Variants in TUBGCP4 observed in about 807,000 individuals in gnomAD.
The protein encoded by TUBGCP4 is gamma-tubulin complex component 4.
A neutral mutation model predicts 91.6 loss-of-function variants in TUBGCP4; 54 were observed. The ratio of observed to expected loss-of-function variants is 0.59; its 90% confidence interval spans 0.47 to 0.74. The LOEUF is 0.74. TUBGCP4 is among the 30% of genes least tolerant of loss of function. TUBGCP4 has a pLI of 0.00. For missense variants in TUBGCP4, 593 were observed against 800.9 expected (o/e 0.74, Z 3.13); for synonymous variants, 297 against 302.8 (o/e 0.98, Z 0.20).
At chr15:43,379,665 C>T (rs1338504405) in intron 5 of TUBGCP4, among the ~76,000 whole-genome samples, 1 of 148,858 alleles carries the variant, frequency 6.7e-6, no homozygotes, top group Non-Finnish European at 1.5e-5. Flanking sequence ...AAAAAAAAGT[C>T]TGAAGAACAT....
Position 43,387,557 on chromosome 15 carries a change from G to A in TUBGCP4, c.1014+1227G>A, listed in dbSNP as rs531268526. Among the ~76,000 whole-genome samples, 4 of 152,194 alleles carry A rather than the reference G, an allele frequency of 2.6e-5. No homozygotes were observed. The South Asian group carries it at 6.2e-4, about 24-fold the overall frequency. The stretch of plus-strand genomic sequence containing the variant: ...GCTCACTGCAACCTCTGCCTCCTGG[G>A]TTCAAGCGATTCTCCCGCCTCAGCC... On this transcript the variant is annotated intron_variant, in intron 9 of 17. Transcript: ENST00000564079.
chr15:43,409,725 A>G lies in TUBGCP4; in HGVS notation c.*4511A>G. 3 of 1,538,970 alleles carry G rather than the reference A, an allele frequency of 1.9e-6. No individual in the cohort carries two copies. ...ATTCTGTATACTGCTTGTTGAAAGG[A>G]GGAATTTCCAAAAATTCTATATTAA... On this transcript the variant is annotated 3_prime_UTR_variant, in exon 18 of 18. Transcript: ENST00000564079.
At position 43,398,124 on chromosome 15, in the gene TUBGCP4, TC is replaced by T; in HGVS notation, c.1365del (p.Tyr456ThrfsTer27). On this transcript the variant is annotated frameshift_variant, in exon 13 of 18. Coordinates refer to ENST00000564079, the MANE Select transcript of TUBGCP4 (RefSeq NM_014444.5). LOFTEE classifies it high-confidence loss of function. ...PASGWAALGL[S>X]YKVQWPLHIL... ...ATCTGGCTGGGCAGCCCTAGGTCTT[TC>T]CTACAAAGTACAGTGGCCACTACAT... is the stretch of plus-strand genomic sequence containing the variant. 1 of 1,614,138 alleles carries T rather than the reference TC, an allele frequency of 6.2e-7. No individual in the cohort carries two copies. The highest frequency in any genetic ancestry group is 8.5e-7 in the Non-Finnish European group (1 of 1,179,990).
At chr15:43,383,569 A>T in intron 7 of TUBGCP4, 65 bp downstream of exon 7, 1 of 1,419,574 alleles carries the variant, frequency 7.0e-7, no homozygotes, top group Admixed American at 2.3e-5. Flanking sequence ...CACACAAATG[A>T]TCTTCTGGTG....
chr15:43,402,140 G>A (rs2044696359), intron 15 of TUBGCP4: 1 of 258,914 alleles, frequency 3.9e-6, no homozygotes, highest in South Asian at 4.8e-5. Flanking sequence ...AATAATAGGT[G>A]TGGTGGCTCG....
chr15:43,377,640 A>G, intron 4 of TUBGCP4: 1 of 512,414 alleles, frequency 2.0e-6, no homozygotes, highest in Non-Finnish European at 3.3e-6. Flanking sequence ...AAAAAAGAAA[A>G]AAAAGAAACT....
intron 1 of TUBGCP4, 54 bp downstream of exon 1, chr15:43,371,486 G>A: frequency 1.3e-6 from 2 of 1,580,136 alleles, no homozygotes; most frequent in Non-Finnish European, 1.7e-6. Flanking sequence ...GGGGACCTGA[G>A]CCAGCGCCTG....
At chr15:43,377,611 CAAAA>C (rs60932318) in intron 4 of TUBGCP4, 1,643 of 257,118 alleles carry the variant, frequency 6.4e-3, no homozygotes, top group South Asian at 8.2e-3. Flanking sequence ...GACCCTGTCT[CAAAA>C]AAAAAAAAAA....
rs1245994275 is a variant in TUBGCP4 at position 43,400,049 on chromosome 15, A to G, written c.1424A>G (p.Asn475Ser). The change falls in exon 14 of 18, where the codon AAT becomes AGT. Residue 475 changes from asparagine to serine, a missense_variant. Coordinates refer to ENST00000564079, the MANE Select transcript of TUBGCP4 (RefSeq NM_014444.5). ...TCCTGTTATTTCTGTCCTAGGTACA[A>G]TGTTGTTTTTAAGTACTTACTGAGT... The part of the protein sequence containing the change: ...LFTPAVLEKY[N>S]VVFKYLLSVR... The G allele has an allele frequency of 2.5e-6, 4 of 1,610,272 alleles. No individual in the cohort carries two copies. The highest frequency in any genetic ancestry group is 1.3e-5 in the African/African-American group (1 of 74,834).
intron 5 of TUBGCP4, 134 bp downstream of exon 5, chr15:43,378,037 C>A: frequency 1.5e-6 from 1 of 647,776 alleles, no homozygotes; most frequent in Non-Finnish European, 2.5e-6. Flanking sequence ...ACAATATCTG[C>A]TTGGTTATCA....
chr15:43,400,086 G>A lies in TUBGCP4; in HGVS notation c.1461G>A (p.Val487=), dbSNP rs750755516. The part of the protein sequence containing the change: ...VFKYLLSVRR[V]QAELQHCWAL... The stretch of plus-strand genomic sequence containing the variant: ...AGTACTTACTGAGTGTGCGCCGGGT[G>A]CAAGCTGAGCTGCAGCACTGCTGGG... Residue 487 remains valine, a synonymous_variant, in exon 14 of 18, where the codon GTG becomes GTA. Coordinates refer to ENST00000564079, the MANE Select transcript of TUBGCP4 (RefSeq NM_014444.5). 1.2e-6 allele frequency: 2 copies of A among 1,613,884 alleles called. No individual in the cohort carries two copies. Among genetic ancestry groups the A allele is most frequent in the African/African-American group, 1.3e-5 (1 of 74,916 alleles).
chr15:43,385,897 T>C lies in TUBGCP4; in HGVS notation c.830T>C (p.Leu277Pro). 6.2e-7 allele frequency: 1 copy of C among 1,614,144 alleles called. No homozygotes were observed. The highest frequency in any genetic ancestry group is 8.5e-7 in the Non-Finnish European group (1 of 1,180,028). ...CCAGTGAGGGTTGCTGAAAAAATCC[T>C]ATTTGTTGGAGAATCTGTCCAGATG... ...YIPVRVAEKI[L>P]FVGESVQMFE... Residue 277 changes from leucine to proline, a missense_variant, in exon 8 of 18, where the codon CTA becomes CCA. Physicochemically the swap from Leu to Pro is moderately conservative, Grantham distance 98 (BLOSUM62 -3). Coordinates refer to ENST00000564079, the MANE Select transcript of TUBGCP4 (RefSeq NM_014444.5).
At chr15:43,377,636 G>C in intron 4 of TUBGCP4, 1 of 413,664 alleles carries the variant, frequency 2.4e-6, no homozygotes, top group Non-Finnish European at 4.1e-6. Context: ...AAAGAAAAAA[G>C]AAAAAAAAGA....
At chr15:43,384,354 A>C (rs185614144) in intron 7 of TUBGCP4, among the ~76,000 whole-genome samples, 1 of 152,354 alleles carries the variant, frequency 6.6e-6, no homozygotes, top group Admixed American at 6.5e-5. Context: ...GGCTCTGAAA[A>C]GACTAAATAT....
At chr15:43,395,774 CCA>C in intron 11 of TUBGCP4, 86 bp downstream of exon 11, 1 of 1,092,058 alleles carries the variant, frequency 9.2e-7, no homozygotes, top group Non-Finnish European at 1.4e-6. Flanking sequence ...AAGGCCTGCT[CCA>C]CATAAGAGCA....
intron 9 of TUBGCP4, among the ~76,000 whole-genome samples, chr15:43,392,493 G>GT (rs756520830): frequency 6.6e-6 from 1 of 151,800 alleles, no homozygotes; most frequent in Non-Finnish European, 1.5e-5. Context: ...TTGTTTGTTT[G>GT]TTTGTTTTGT....
At chr15:43,390,206 AT>A (rs1329898470) in intron 9 of TUBGCP4, among the ~76,000 whole-genome samples, 1 of 152,034 alleles carries the variant, frequency 6.6e-6, no homozygotes, top group Non-Finnish European at 1.5e-5. Flanking sequence ...TTCTTTTTCT[AT>A]TTTTTAGAAC....
At position 43,400,159 on chromosome 15, in the gene TUBGCP4, A is replaced by G. The variant is rs1442404379; in HGVS notation, c.1534A>G (p.Ile512Val). The G allele has an allele frequency of 3.7e-6, 6 of 1,614,218 alleles. No individual in the cohort carries two copies. Among genetic ancestry groups the G allele is most frequent in the East Asian group, 2.2e-5 (1 of 44,878 alleles). ...CCTCAAGTCGAACCAGACTGATGCA[A>G]TCAAGTGGCGCCTAAGAAATCACAT... ...KHLKSNQTDA[I>V]KWRLRNHMAF... is the part of the protein sequence containing the mutation. The change falls in exon 14 of 18, where the codon ATC becomes GTC. Residue 512 changes from isoleucine to valine, a missense_variant. Transcript: ENST00000564079.
chr15:43,387,983 G>A (rs1416623666), intron 9 of TUBGCP4, among the ~76,000 whole-genome samples: 1 of 151,526 alleles, frequency 6.6e-6, no homozygotes, highest in Non-Finnish European at 1.5e-5. Flanking sequence ...TGAGTAGCTG[G>A]GACTGCAGGC....
Sources: gnomAD v4.1 joint callset for allele counts (sites outside exome capture counted in the v4.1 genomes callset) on GRCh38, gnomAD v4.1.1 for gene constraint, MANE v1.5 for transcripts, NCBI Gene and HGNC (gene_info 2026-07-23, HGNC 2026-07-21) for gene names.